Variants in KPTN observed in about 807,000 individuals in gnomAD.
KPTN encodes the protein KICSTOR complex protein kaptin.
Under a neutral mutation model 52.6 loss-of-function variants are expected in KPTN, and 36 were observed. The ratio of observed to expected loss-of-function variants is 0.68; its 90% CI spans 0.52 to 0.90. KPTN has a LOEUF of 0.90. Ranked by LOEUF, KPTN falls within the 40% of genes least tolerant of loss-of-function variation. The pLI, the probability that KPTN is intolerant of heterozygous loss-of-function variation, is 0.00. For synonymous variants in KPTN, 271 were observed against 248.4 expected, an observed-to-expected ratio of 1.09 and a Z score of -0.85; for missense variants, 529 against 576.2, an observed-to-expected ratio of 0.92 and a Z score of 0.84.
rs998330356 is a variant in KPTN at position 47,484,194 on chromosome 19, G to A, written c.-34C>T. 8 of 1,568,974 alleles carry A rather than the reference G, an allele frequency of 5.1e-6. No individual in the cohort carries two copies. The highest frequency in any genetic ancestry group is 6.9e-6 in the Non-Finnish European group (8 of 1,162,936). ...GTTAAGCACCCTCTCCGCAGCCCCC[G>A]CCCCAACCCGCACTACCCAACCTAC... is the stretch of plus-strand genomic sequence containing the variant. On this transcript the variant is annotated 5_prime_UTR_variant, in exon 1 of 12. Coordinates refer to ENST00000338134, the MANE Select transcript of KPTN (RefSeq NM_007059.4).
chr19:47,476,621 G>T lies in KPTN; in HGVS notation c.1093C>A (p.Pro365Thr). ...TCCACGTGAGCCATGGCCAGCAGGG[G>T]ACTGGAGAAGCTCCGCTGCCACAGC... ...HLLWQRSFSS[P>T]LLAMAHVDLT... Residue 365 changes from proline to threonine, a missense_variant, in exon 11 of 12, where the codon CCC becomes ACC. Transcript: ENST00000338134. 6.2e-7 allele frequency: 1 copy of T among 1,612,800 alleles called. No homozygotes were observed. The highest frequency in any genetic ancestry group is 8.5e-7 in the Non-Finnish European group (1 of 1,179,798).
At chr19:47,480,672 G>T in intron 6 of KPTN, 88 bp downstream of exon 6, 1 of 1,234,082 alleles carries the variant, frequency 8.1e-7, no homozygotes. Flanking sequence ...GCTCCTCCCC[G>T]GTGACCAATT....
At position 47,479,959 on chromosome 19, in the gene KPTN, T is replaced by G. The variant is rs113130930; in HGVS notation, c.710-19A>C. 391 of 1,602,178 alleles carry G rather than the reference T, an allele frequency of 2.4e-4. No individual in the cohort carries two copies. The African/African-American group carries it at 4.0e-3, about 16-fold the overall frequency. On this transcript the variant is annotated intron_variant, in intron 7 of 11. Coordinates refer to ENST00000338134, the MANE Select transcript of KPTN (RefSeq NM_007059.4). ...AGAACCTCTGCGTGGAGAGCGAGGA[T>G]TCAGAGCCCCAACCCCACCCCGGTC... is the stretch of plus-strand genomic sequence containing the variant.
intron 11 of KPTN, 103 bp from the exon 12 acceptor site, chr19:47,475,647 C>T (rs929466086): frequency 7.1e-7 from 1 of 1,406,662 alleles, no homozygotes; most frequent in Non-Finnish European, 9.8e-7. Flanking sequence ...GGAGCTCGGC[C>T]CACGTGGGAG....
At chr19:47,481,805 C>T (rs1425735283) in intron 4 of KPTN, among the ~76,000 whole-genome samples, 1 of 152,170 alleles carries the variant, frequency 6.6e-6, no homozygotes, top group Non-Finnish European at 1.5e-5. Context: ...AATCCCTGTT[C>T]TAGACCATCT....
upstream of KPTN, chr19:47,484,275 G>A (rs1968003700): frequency 6.1e-6 from 8 of 1,306,294 alleles, no homozygotes; most frequent in East Asian, 2.6e-5. Flanking sequence ...GGCTGATGAC[G>A]TACGGAAGCT....
In KPTN at chr19:47,475,414, G is replaced by A. The variant is rs2272295; in HGVS notation, c.*2C>T. The A allele has an allele frequency of 0.13, 203,432 of 1,611,002 alleles. 14,306 individuals carry two copies. The highest frequency in any genetic ancestry group is 0.25 in the Admixed American group (14,880 of 59,752). The stretch of plus-strand genomic sequence containing the variant: ...GTCTGGGAAGAGTGGGTGCATGGGT[G>A]CTTAAGAGGCTGCATTCTCAGCAGG... On this transcript the variant is annotated 3_prime_UTR_variant, in exon 12 of 12. Coordinates refer to ENST00000338134, the MANE Select transcript of KPTN (RefSeq NM_007059.4).
intron 8 of KPTN, 55 bp downstream of exon 8, chr19:47,479,808 G>C: frequency 6.9e-7 from 1 of 1,442,020 alleles, no homozygotes; most frequent in Non-Finnish European, 9.7e-7. Flanking sequence ...AGAATGCAGA[G>C]TTGCCTCTTC....
chr19:47,475,455 G>C lies in KPTN; in HGVS notation c.1272C>G (p.Asp424Glu). The C allele has an allele frequency of 6.2e-7, 1 of 1,613,340 alleles. No homozygotes were observed. The highest frequency in any genetic ancestry group is 8.5e-7 in the Non-Finnish European group (1 of 1,179,504). ...TCTCAGCAGGCCCTGCACCTGCCCCGTCCTCCAACCCCTGTAGCCGACGTC... is the reference window on the plus strand; with the variant it reads ...TCTCAGCAGGCCCTGCACCTGCCCCCTCCTCCAACCCCTGTAGCCGACGTC... ...QRRRRLQGLE[D>E]GAGAGPAENA... is the part of the protein sequence containing the mutation. Residue 424 changes from aspartate to glutamate, a missense_variant, in exon 12 of 12, where the codon GAC (aspartate) becomes GAG (glutamate). By Grantham distance (45) the Asp-to-Glu change is conservative. Transcript: ENST00000338134.
At chr19:47,483,031 T>C in intron 4 of KPTN, 130 bp downstream of exon 4, 1 of 987,716 alleles carries the variant, frequency 1.0e-6, no homozygotes, top group Non-Finnish European at 1.6e-6. Flanking sequence ...CAATCCCTAA[T>C]CTAGTACAAC....
chr19:47,475,633 G>A (rs1182424009), intron 11 of KPTN, 89 bp from the exon 12 acceptor site: 3 of 1,515,386 alleles, frequency 2.0e-6, no homozygotes, highest in Non-Finnish European at 2.7e-6. Context: ...AACTCCAAAG[G>A]CCAGGAGCTC....
At chr19:47,481,934 T>G (rs777083619) in intron 4 of KPTN, among the ~76,000 whole-genome samples, 13 of 152,220 alleles carry the variant, frequency 8.5e-5, no homozygotes, top group Non-Finnish European at 1.3e-4. Flanking sequence ...TGTCAGGACT[T>G]TATCATTACA....
Position 47,476,877 on chromosome 19 carries a change from T to C in KPTN, c.925A>G (p.Ser309Gly). 1 of 1,567,386 alleles carries C rather than the reference T, an allele frequency of 6.4e-7. No individual in the cohort carries two copies. Among genetic ancestry groups the C allele is most frequent in the Non-Finnish European group, 8.7e-7 (1 of 1,155,590 alleles). Residue 309 changes from serine (S) to glycine (G), a missense_variant, in exon 10 of 12, where the codon AGC becomes GGC. By Grantham distance (56) the Ser-to-Gly change is moderately conservative. Transcript: ENST00000338134. ...TCGGTGACCAGGCTGCAGAGGACGC[T>C]GTCAAACTGGTCACTGCCGGGCAGG... Reference protein sequence around the residue: ...LLLPGSDQFDSVLCSLVTDVD... With the variant: ...LLLPGSDQFDGVLCSLVTDVD...
chr19:47,483,715 G>T (rs946103437), intron 1 of KPTN, 131 bp from the exon 2 acceptor site: 13 of 886,552 alleles, frequency 1.5e-5, no homozygotes, highest in Non-Finnish European at 2.3e-5. Flanking sequence ...CCTGATCTCT[G>T]TTCCCTGGGT....
chr19:47,483,096 G>T, intron 4 of KPTN, 65 bp downstream of exon 4: 1 of 1,441,604 alleles, frequency 6.9e-7, no homozygotes, highest in Non-Finnish European at 9.8e-7. Context: ...GTAAAGAAGG[G>T]GTTCGAGAAG....
chr19:47,482,207 G>A (rs1736848082), intron 4 of KPTN, among the ~76,000 whole-genome samples: 1 of 152,180 alleles, frequency 6.6e-6, no homozygotes, highest in Non-Finnish European at 1.5e-5. Context: ...ATGATGCTCC[G>A]GCCAGGCGTG....
rs1293957779 is a variant in KPTN, at chr19:47,483,578, G to A, written c.233C>T (p.Ala78Val). The A allele has an allele frequency of 4.5e-6, 7 of 1,553,902 alleles. No homozygotes were observed. The highest frequency in any genetic ancestry group is 1.9e-5 in the Admixed American group (1 of 51,450). ...GAAAGTGTCGATGGAGACAATCTCCGCATCCACTGGGAGGGGAGAGTTCTA... is the reference window on the plus strand; with the variant it reads ...GAAAGTGTCGATGGAGACAATCTCCACATCCACTGGGAGGGGAGAGTTCTA... ...ELQFNYIPVD[A>V]EIVSIDTFNK... is the part of the protein sequence containing the mutation. The change falls in exon 2 of 12, where the codon GCG becomes GTG. Residue 78 changes from alanine to valine, a missense_variant. By Grantham distance (64) the Ala-to-Val change is moderately conservative. Coordinates refer to ENST00000338134, the MANE Select transcript of KPTN (RefSeq NM_007059.4).
chr19:47,484,225 T>G, upstream of KPTN: 1 of 1,512,300 alleles, frequency 6.6e-7, no homozygotes, highest in Non-Finnish European at 8.8e-7. Context: ...CCTACGACTC[T>G]CTAAGCGACC....
intron 7 of KPTN, 62 bp from the exon 8 acceptor site, chr19:47,480,002 AC>A (rs1967813022): frequency 3.6e-6 from 5 of 1,370,758 alleles, no homozygotes; most frequent in Non-Finnish European, 5.0e-6. Flanking sequence ...CAGCCCTGAA[AC>A]CATCGACTTT....
Sources: allele counts gnomAD v4.1 joint callset (sites outside exome capture counted in the v4.1 genomes callset), GRCh38; gene constraint gnomAD v4.1.1; transcripts MANE v1.5; gene names NCBI Gene and HGNC (gene_info 2026-07-23, HGNC 2026-07-21).